The following KLF11 variants were observed in gnomAD, a reference collection of about 807,000 sequenced individuals.
KLF11 encodes Krueppel-like factor 11.
A neutral mutation model predicts 29.9 loss-of-function variants in KLF11; 26 were observed. That is an observed-to-expected ratio of 0.87 (90% CI 0.64 to 1.21). The LOEUF (loss-of-function observed/expected upper bound fraction) is 1.21. Ranked by LOEUF, KLF11 falls within the 50% of genes most tolerant of loss-of-function variation. The probability of loss-of-function intolerance (pLI) is 0.00; values close to 1 mark genes in which losing one functional copy is unlikely to be tolerated. For missense variants in KLF11, 778 were observed against 665.7 expected (o/e 1.17, Z -1.86); for synonymous variants, 318 against 257.4 (o/e 1.24, Z -2.25).
In KLF11 at chr2:10,047,771, T is replaced by C. The variant is rs1661259193; in HGVS notation, c.434T>C (p.Val145Ala). ...GATGTTCTCCAGTCCTCTGCCGTAGTGGCCAGAGCTCTGAGCGGGGGCGCG... is the reference window on the plus strand; with the variant it reads ...GATGTTCTCCAGTCCTCTGCCGTAGCGGCCAGAGCTCTGAGCGGGGGCGCG... ...ATDVLQSSAV[V>A]ARALSGGAER... The change falls in exon 3 of 4, where the codon GTG (valine) becomes GCG (alanine). Residue 145 changes from valine (V) to alanine (A), a missense_variant. Coordinates refer to ENST00000305883, the MANE Select transcript of KLF11 (RefSeq NM_003597.5). 4 of 1,613,806 alleles carry C rather than the reference T, an allele frequency of 2.5e-6. No homozygotes were observed. The highest frequency in any genetic ancestry group is 3.3e-5 in the Admixed American group (2 of 60,026).
rs542211207 is a variant in KLF11, at chr2:10,054,041, A to T, written c.*1534A>T. On this transcript the variant is annotated 3_prime_UTR_variant, in exon 4 of 4. Transcript: ENST00000305883. ...AGTCTGATAAAATCTCCACCTGGTCATTCATTGTGTGTGACTTGATACCTG... is the reference window on the plus strand; with the variant it reads ...AGTCTGATAAAATCTCCACCTGGTCTTTCATTGTGTGTGACTTGATACCTG... 1.3e-5 allele frequency: 2 copies of T among 152,330 alleles called. No individual in the cohort carries two copies. 9.4% of individuals were successfully genotyped at this position (152,330 alleles called of 1,614,324 possible).
chr2:10,051,248 A>G (rs1367486414), intron 3 of KLF11, among the ~76,000 whole-genome samples: 7 of 130,192 alleles, frequency 5.4e-5, no homozygotes, highest in Non-Finnish European at 9.8e-5. Flanking sequence ...TCTCACTCTC[A>G]CCCAGGCTGG....
intron 1 of KLF11, among the ~76,000 whole-genome samples, chr2:10,045,145 CA>C (rs1282343726): frequency 1.3e-4 from 19 of 144,144 alleles, no homozygotes; most frequent in Non-Finnish European, 1.7e-4. Context: ...GACTCTGTCT[CA>C]AAAAAACAAG....
chr2:10,051,375 A>G (rs1437646279), intron 3 of KLF11, among the ~76,000 whole-genome samples: 2 of 149,058 alleles, frequency 1.3e-5, no homozygotes, highest in African/African-American at 5.0e-5. Context: ...CACCCAGCTA[A>G]TTTTTGTATT....
intron 2 of KLF11, among the ~76,000 whole-genome samples, chr2:10,047,218 G>A (rs1284439023): frequency 6.6e-6 from 1 of 152,194 alleles, no homozygotes; most frequent in Non-Finnish European, 1.5e-5. Flanking sequence ...CTACATCTGT[G>A]AAAGTACTTG....
rs1033487145 is a variant in KLF11 at position 10,048,036 on chromosome 2, C to T, written c.699C>T (p.Pro233=). Residue 233 remains proline (P), a synonymous_variant, in exon 3 of 4, where the codon CCC becomes CCT. Transcript: ENST00000305883. ...LLSTNLVSCQ[P]CLHKSGGLLL... ...GCACTAACTTGGTGTCCTGTCAGCC[C>T]TGCTTGCACAAGTCTGGTGGCCTGC... 6 of 1,614,110 alleles carry T rather than the reference C, an allele frequency of 3.7e-6. No individual in the cohort carries two copies. Among genetic ancestry groups the T allele is most frequent in the African/African-American group, 1.3e-5 (1 of 74,944 alleles).
intron 2 of KLF11, 95 bp from the exon 3 acceptor site, chr2:10,047,555 A>G (rs1661247257): frequency 2.8e-6 from 3 of 1,064,006 alleles, no homozygotes; most frequent in African/African-American, 1.6e-5. Flanking sequence ...CTGAGTGTCT[A>G]GATGATTCTG....
At position 10,043,570 on chromosome 2, in the gene KLF11, G is replaced by A. The variant is rs1379561037; in HGVS notation, c.-147G>A. On this transcript the variant is annotated 5_prime_UTR_variant, in exon 1 of 4. Transcript: ENST00000305883. ...CCCGCGCCGCGAGGGCCGCGCCGGG[G>A]CAGAGCCGCGCGGGCGGGCGAGGCG... 34 of 381,078 alleles carry A rather than the reference G, an allele frequency of 8.9e-5. No homozygotes were observed. Among genetic ancestry groups the A allele is most frequent in the Non-Finnish European group, 5.0e-5 (14 of 280,860 alleles). The allele number at this position is 381,078 out of a possible 1,614,324, so 23.6% of individuals were successfully genotyped here. A position where few individuals can be genotyped will look rare whatever the true frequency, so the allele number is the denominator to read the frequency against.
chr2:10,051,579 G>A (rs1661406543), intron 3 of KLF11, among the ~76,000 whole-genome samples: 1 of 151,876 alleles, frequency 6.6e-6, no homozygotes, highest in African/African-American at 2.4e-5. Flanking sequence ...GTGCAGTGGT[G>A]CAATCTCGGC....
At chr2:10,043,907 C>T (rs1661077493) in intron 1 of KLF11, 149 bp downstream of exon 1, 8 of 1,036,018 alleles carry the variant, frequency 7.7e-6, no homozygotes, top group Non-Finnish European at 9.3e-6. Flanking sequence ...TGGGCGGGCT[C>T]CGGAGCCGGG....
Position 10,052,366 on chromosome 2 carries a change from T to C in KLF11, c.1398T>C (p.Ser466=), listed in dbSNP as rs374953405. 4.3e-6 allele frequency: 7 copies of C among 1,613,964 alleles called. No homozygotes were observed. The African/African-American group carries it at 8.0e-5, about 18-fold the overall frequency. ...TGTGTGACCGACGTTTCATGCGCAG[T>C]GACCACCTGACGAAGCATGCCCGGC... ...CPVCDRRFMR[S]DHLTKHARRH... is the part of the protein sequence containing the mutation. Residue 466 remains serine, a synonymous_variant, in exon 4 of 4, where the codon AGT becomes AGC. Transcript: ENST00000305883.
In KLF11 at chr2:10,048,447, C is replaced by T. The variant is rs745811457; in HGVS notation, c.1110C>T (p.Ala370=). The change falls in exon 3 of 4, where the codon GCC becomes GCT. Residue 370 remains alanine (A), a synonymous_variant. Transcript: ENST00000305883. Reference sequence around the variant, plus strand: ...GGAATACCAAGTTGTTGCCCCTTGCCCCTGCTCCAGTGTTCATCACCTCTA... The same window carrying T: ...GGAATACCAAGTTGTTGCCCCTTGCTCCTGCTCCAGTGTTCATCACCTCTA... ...AAGNTKLLPL[A]PAPVFITSSQ... is the part of the protein sequence containing the mutation. 1.9e-5 allele frequency: 31 copies of T among 1,614,004 alleles called. No individual in the cohort carries two copies. Among genetic ancestry groups the T allele is most frequent in the Non-Finnish European group, 2.4e-5 (28 of 1,180,052 alleles).
At chr2:10,050,617 G>A (rs1443383145) in intron 3 of KLF11, among the ~76,000 whole-genome samples, 1 of 152,066 alleles carries the variant, frequency 6.6e-6, no homozygotes, top group Non-Finnish European at 1.5e-5. Flanking sequence ...GCTGAGGCAG[G>A]AGAATCGCTT....
Position 10,048,420 on chromosome 2 carries a change from C to G in KLF11, c.1083C>G (p.Ala361=). Residue 361 remains alanine (A), a synonymous_variant, in exon 3 of 4, where the codon GCC becomes GCG. Coordinates refer to ENST00000305883, the MANE Select transcript of KLF11 (RefSeq NM_003597.5). The part of the protein sequence containing the change: ...PAPCAANVMA[A]GNTKLLPLAP... The stretch of plus-strand genomic sequence containing the variant: ...CCTGTGCAGCCAATGTCATGGCTGC[C>G]GGGAATACCAAGTTGTTGCCCCTTG... 6.2e-7 allele frequency: 1 copy of G among 1,614,070 alleles called. No homozygotes were observed.
chr2:10,048,812 A>G (rs1353970206), intron 3 of KLF11, among the ~76,000 whole-genome samples: 1 of 151,978 alleles, frequency 6.6e-6, no homozygotes, highest in Non-Finnish European at 1.5e-5. Flanking sequence ...GCCCTGGAAG[A>G]TAAAATGTAG....
chr2:10,046,445 G>A lies in KLF11; in HGVS notation c.312+26G>A, dbSNP rs372927022. 5.6e-6 allele frequency: 9 copies of A among 1,610,890 alleles called. No individual in the cohort carries two copies. In the African/African-American group the frequency reaches 8.0e-5, roughly 14 times the overall value. ...GTAAGAGGAGGTGGGAGGGAGGAGC[G>A]TTTTTGTGAAATGACTAGAGTAGCT... On this transcript the variant is annotated intron_variant, in intron 2 of 3. Coordinates refer to ENST00000305883, the MANE Select transcript of KLF11 (RefSeq NM_003597.5).
chr2:10,043,783 G>C (rs1355069166), intron 1 of KLF11, 25 bp downstream of exon 1: 2 of 1,367,176 alleles, frequency 1.5e-6, no homozygotes, highest in Non-Finnish European at 1.9e-6. Context: ...TGCCGCGGCG[G>C]GACTACTCGT....
intron 1 of KLF11, 120 bp from the exon 2 acceptor site, chr2:10,046,030 A>G (rs867320051): frequency 2.7e-6 from 3 of 1,110,140 alleles, no homozygotes; most frequent in Non-Finnish European, 4.1e-6. Flanking sequence ...GTTGCTATAG[A>G]CTATTGCATG....
chr2:10,048,247 A>G lies in KLF11; in HGVS notation c.910A>G (p.Lys304Glu), dbSNP rs200635526. ...AAGTAGCATGTTACCAGCTTTTTTG[A>G]AGCCCCCTCCCCAGTTGTCTGTGGG... Reference protein sequence around the residue: ...GQSSMLPAFLKPPPQLSVGTV... With the variant: ...GQSSMLPAFLEPPPQLSVGTV... Residue 304 changes from lysine to glutamate, a missense_variant, in exon 3 of 4, where the codon AAG (lysine) becomes GAG (glutamate). By Grantham distance (56) the Lys-to-Glu change is moderately conservative (BLOSUM62 1). Transcript: ENST00000305883. 1 of 1,612,310 alleles carries G rather than the reference A, an allele frequency of 6.2e-7. No homozygotes were observed. Among genetic ancestry groups the G allele is most frequent in the African/African-American group, 1.3e-5 (1 of 74,954 alleles).
Sources: allele counts gnomAD v4.1 joint callset (sites outside exome capture counted in the v4.1 genomes callset), GRCh38; gene constraint gnomAD v4.1.1; transcripts MANE v1.5; gene names NCBI Gene and HGNC (gene_info 2026-07-23, HGNC 2026-07-21).